Variants in ARB2A observed in about 807,000 individuals in gnomAD.
ARB2A encodes ARB2 cotranscriptional regulator A.
At chr5:94,084,274 C>CAAAAA in the ARB2A span, among the ~76,000 whole-genome samples, 16 of 73,044 alleles carry the variant, frequency 2.2e-4, no homozygotes, top group Non-Finnish European at 3.7e-4. Flanking sequence ...AACTTCATCT[C>CAAAAA]AAAAAAAAAA....
At chr5:93,841,620 G>A in the ARB2A span, among the ~76,000 whole-genome samples, 2 of 152,140 alleles carry the variant, frequency 1.3e-5, no homozygotes, top group African/African-American at 2.4e-5. Context: ...AGATGAACAG[G>A]TAAAGAATGA....
the ARB2A span, among the ~76,000 whole-genome samples, chr5:93,877,339 C>T: frequency 6.6e-6 from 1 of 152,082 alleles, no homozygotes; most frequent in Non-Finnish European, 1.5e-5. Context: ...TTTAGTTGTC[C>T]TCTTATGCTC....
the ARB2A span, among the ~76,000 whole-genome samples, chr5:93,781,344 A>G: frequency 6.6e-6 from 1 of 152,168 alleles, no homozygotes; most frequent in South Asian, 2.1e-4. Flanking sequence ...ATATAATTTC[A>G]TTCATTTTAA....
the ARB2A span, among the ~76,000 whole-genome samples, chr5:93,935,434 T>C: frequency 1.9e-4 from 29 of 152,188 alleles, no homozygotes; most frequent in African/African-American, 7.0e-4. Context: ...GGTGCTGGTG[T>C]TGGTAGAGGT....
chr5:93,976,903 C>T, the ARB2A span, among the ~76,000 whole-genome samples: 1,732 of 151,936 alleles, frequency 0.011, 35 homozygotes, highest in African/African-American at 0.04. Context: ...ATGACTTCAG[C>T]GAACTCTCAG....
At chr5:93,753,036 T>C in the ARB2A span, among the ~76,000 whole-genome samples, 1 of 152,220 alleles carries the variant, frequency 6.6e-6, no homozygotes, top group South Asian at 2.1e-4. Flanking sequence ...AGAGGAATGC[T>C]ATACTTCTTG....
chr5:93,832,811 T>C, the ARB2A span, among the ~76,000 whole-genome samples: 1 of 152,130 alleles, frequency 6.6e-6, no homozygotes, highest in Non-Finnish European at 1.5e-5. Context: ...TCAACAATCT[T>C]CCTGCATGTA....
chr5:93,954,158 C>T, the ARB2A span, among the ~76,000 whole-genome samples: 103 of 152,084 alleles, frequency 6.8e-4, no homozygotes, highest in African/African-American at 2.3e-3. Flanking sequence ...AGACAAAGTC[C>T]CCTTTATTTT....
the ARB2A span, among the ~76,000 whole-genome samples, chr5:93,753,824 G>A: frequency 6.6e-6 from 1 of 152,176 alleles, no homozygotes; most frequent in South Asian, 2.1e-4. Flanking sequence ...ACAGGTATCA[G>A]GCGTTTAGAC....
At chr5:94,040,490 C>A in the ARB2A span, among the ~76,000 whole-genome samples, 1 of 151,236 alleles carries the variant, frequency 6.6e-6, no homozygotes, top group South Asian at 2.1e-4. Context: ...TCTCCTAATG[C>A]TATCCCTCCC....
chr5:94,074,378 T>C, the ARB2A span, among the ~76,000 whole-genome samples: 3 of 152,210 alleles, frequency 2.0e-5, no homozygotes, highest in African/African-American at 4.8e-5. Flanking sequence ...AAAAAACTTA[T>C]TAATTTTATT....
At chr5:94,004,998 CAAAAAAAAAAAA>C in the ARB2A span, among the ~76,000 whole-genome samples, 155 of 12,556 alleles carry the variant, frequency 0.012, 1 homozygote, top group African/African-American at 0.027. Flanking sequence ...ATTTTATCAG[CAAAAAAAAAAAA>C]AAAAAAAAAA....
the ARB2A span, among the ~76,000 whole-genome samples, chr5:93,850,484 T>C: frequency 6.6e-6 from 1 of 152,116 alleles, no homozygotes; most frequent in Non-Finnish European, 1.5e-5. Context: ...ATGATCAGGA[T>C]GCTGTGAACA....
chr5:93,853,745 T>C, the ARB2A span, among the ~76,000 whole-genome samples: 2 of 152,256 alleles, frequency 1.3e-5, no homozygotes, highest in African/African-American at 4.8e-5. Flanking sequence ...GCTCTGTTTA[T>C]ATGATGGATT....
the ARB2A span, among the ~76,000 whole-genome samples, chr5:94,001,951 G>A: frequency 6.6e-6 from 1 of 152,080 alleles, no homozygotes; most frequent in South Asian, 2.1e-4. Flanking sequence ...TGTGCTGGGA[G>A]GGGAATGGTT....
chr5:93,955,164 G>A, the ARB2A span, among the ~76,000 whole-genome samples: 1 of 152,068 alleles, frequency 6.6e-6, no homozygotes, highest in African/African-American at 2.4e-5. Flanking sequence ...GTGCTTTTTT[G>A]TATGTGGATG....
At chr5:93,925,190 G>A in the ARB2A span, among the ~76,000 whole-genome samples, 3 of 151,790 alleles carry the variant, frequency 2.0e-5, no homozygotes, top group Admixed American at 6.6e-5. Context: ...GAATGATGAC[G>A]AACAATTACA....
At chr5:93,839,076 G>A in the ARB2A span, among the ~76,000 whole-genome samples, 2 of 152,070 alleles carry the variant, frequency 1.3e-5, no homozygotes, top group African/African-American at 4.8e-5. Context: ...CCAATACTAT[G>A]TTGAATAGGA....
the ARB2A span, among the ~76,000 whole-genome samples, chr5:93,773,933 A>AAT: frequency 6.6e-6 from 1 of 152,138 alleles, no homozygotes; most frequent in South Asian, 2.1e-4. Context: ...ATACTTGGCT[A>AAT]ATATTAAAAA....
Sources: allele counts gnomAD v4.1 joint callset (sites outside exome capture counted in the v4.1 genomes callset), GRCh38; gene constraint gnomAD v4.1.1; transcripts MANE v1.5; gene names NCBI Gene and HGNC (gene_info 2026-07-23, HGNC 2026-07-21).